The following ZNF354B variants were observed in gnomAD, a reference collection of about 807,000 sequenced individuals.
ZNF354B encodes the protein zinc finger protein 354B.
In ZNF354B, 10 loss-of-function variants were observed where a neutral mutation model predicts 12.9. The ratio of observed to expected loss-of-function variants is 0.77; its 90% confidence interval spans 0.48 to 1.31. ZNF354B has a LOEUF of 1.31. Ranked by LOEUF, ZNF354B falls within the 40% of genes most tolerant of loss-of-function variation. The pLI is 0.00. For synonymous variants in ZNF354B, 260 were observed against 243.7 expected (o/e 1.07, Z -0.62); for missense variants, 614 against 711.7 (o/e 0.86, Z 1.56).
At chr5:178,870,452 A>T (rs1306416177) in intron 4 of ZNF354B, among the ~76,000 whole-genome samples, 1 of 152,040 alleles carries the variant, frequency 6.6e-6, no homozygotes, top group Admixed American at 6.5e-5. Context: ...AATTTTTGGC[A>T]TTTTTTTAGT....
rs981523893 is a variant in ZNF354B, at chr5:178,882,771, A to G, written c.319A>G (p.Ile107Val). Residue 107 changes from isoleucine to valine, a missense_variant, in exon 5 of 5, where the codon ATA becomes GTA. Ile to Val is a conservative substitution (Grantham distance 29). Coordinates refer to ENST00000322434, the MANE Select transcript of ZNF354B (RefSeq NM_058230.3). ...AACTCAGGATTCATTTCAGGAGCAG[A>G]TAAGGAAAAGATTGAAAAGGGATGA... ...TQTQDSFQEQIRKRLKRDEPW... is the reference protein window; with the variant it reads ...TQTQDSFQEQVRKRLKRDEPW... The G allele has an allele frequency of 6.3e-7, 1 of 1,589,854 alleles. No individual in the cohort carries two copies. Among genetic ancestry groups the G allele is most frequent in the African/African-American group, 1.4e-5 (1 of 73,254 alleles).
intron 4 of ZNF354B, among the ~76,000 whole-genome samples, chr5:178,880,830 C>CTTTTTT (rs1370506200): frequency 8.8e-6 from 1 of 113,850 alleles, no homozygotes; most frequent in Non-Finnish European, 1.7e-5. Context: ...AACTCATGGT[C>CTTTTTT]ATTTTTTTTT....
intron 4 of ZNF354B, among the ~76,000 whole-genome samples, chr5:178,873,395 A>T (rs554398702): frequency 6.6e-6 from 1 of 152,202 alleles, no homozygotes; most frequent in Non-Finnish European, 1.5e-5. Context: ...ATTTTCTGCC[A>T]TGTTCTTCTA....
intron 1 of ZNF354B, 68 bp downstream of exon 1, chr5:178,860,195 G>A (rs1757323448): frequency 6.6e-6 from 1 of 152,230 alleles, no homozygotes; most frequent in South Asian, 2.1e-4. Context: ...GAGGCCGCGG[G>A]GCTCCGAGGG....
chr5:178,864,907 G>A (rs1258666041), intron 2 of ZNF354B, among the ~76,000 whole-genome samples: 1 of 151,484 alleles, frequency 6.6e-6, no homozygotes. Flanking sequence ...ACAGGTGTGA[G>A]CCACCACACC....
chr5:178,873,906 C>A (rs939619292), intron 4 of ZNF354B, among the ~76,000 whole-genome samples: 4 of 151,260 alleles, frequency 2.6e-5, no homozygotes, highest in Admixed American at 2.0e-4. Context: ...TTATTTTCTT[C>A]CATCAGTGTT....
intron 4 of ZNF354B, among the ~76,000 whole-genome samples, chr5:178,875,013 A>G (rs58941917): frequency 0.15 from 22,574 of 152,114 alleles, 2,053 homozygotes; most frequent in African/African-American, 0.25. Flanking sequence ...TTTTGGTGTT[A>G]AAGTTTGGGC....
intron 4 of ZNF354B, among the ~76,000 whole-genome samples, chr5:178,872,760 C>T (rs976055623): frequency 2.6e-5 from 4 of 152,078 alleles, no homozygotes; most frequent in Non-Finnish European, 5.9e-5. Context: ...AGTTCATGTG[C>T]TTATTTGCCA....
intron 3 of ZNF354B, 91 bp downstream of exon 3, chr5:178,866,461 A>C (rs910932186): frequency 1.2e-5 from 18 of 1,519,182 alleles, no homozygotes; most frequent in Non-Finnish European, 1.5e-5. Flanking sequence ...TCACTGAAAA[A>C]TTTGAGCTCA....
chr5:178,860,610 C>G (rs372738957), intron 1 of ZNF354B: 17,901 of 174,034 alleles, frequency 0.1, 954 homozygotes, highest in Non-Finnish European at 0.13. Flanking sequence ...CCGGGGCCGT[C>G]GTGGTGGGAG....
intron 3 of ZNF354B, among the ~76,000 whole-genome samples, chr5:178,866,630 G>C (rs1757462249): frequency 6.6e-6 from 1 of 152,060 alleles, no homozygotes. Context: ...CATAGTTCAG[G>C]CAGCATTTTC....
At chr5:178,868,896 C>T (rs1215386017) in intron 4 of ZNF354B, among the ~76,000 whole-genome samples, 3 of 150,498 alleles carry the variant, frequency 2.0e-5, no homozygotes, top group South Asian at 2.1e-4. Flanking sequence ...GGCGTGAACC[C>T]GGGAGGTGGA....
At chr5:178,863,297 T>G (rs1320559114) in intron 2 of ZNF354B, among the ~76,000 whole-genome samples, 4 of 152,228 alleles carry the variant, frequency 2.6e-5, no homozygotes, top group Admixed American at 2.0e-4. Flanking sequence ...TGTATATATA[T>G]GTGCATATGT....
At position 178,865,296 on chromosome 5, in the gene ZNF354B, T is replaced by C. The variant is rs547662084; in HGVS notation, c.34-948T>C. ...TTTTTTTTTCTTTTTTGAGATGGAG[T>C]CTCATTCTGTTTCCAGGCTGGAGTG... On this transcript the variant is annotated intron_variant, in intron 2 of 4. Coordinates refer to ENST00000322434, the MANE Select transcript of ZNF354B (RefSeq NM_058230.3). Among the ~76,000 whole-genome samples, 64 of 151,616 alleles carry C rather than the reference T, an allele frequency of 4.2e-4. No homozygotes were observed. In the East Asian group the frequency reaches 0.011, roughly 27 times the overall value.
rs760169460 is a variant in ZNF354B at position 178,883,676 on chromosome 5, G to A, written c.1224G>A (p.Lys408=). The change falls in exon 5 of 5, where the codon AAG becomes AAA. Residue 408 remains lysine (K), a synonymous_variant. Transcript: ENST00000322434. The stretch of plus-strand genomic sequence containing the variant: ...ATGAAAGAATTCACACCGGAGAAAA[G>A]CCCTATAGATGCAATGAATGTGGGA... ...IQHERIHTGE[K]PYRCNECGKG... The A allele has an allele frequency of 6.2e-7, 1 of 1,614,004 alleles. No homozygotes were observed. Among genetic ancestry groups the A allele is most frequent in the Non-Finnish European group, 8.5e-7 (1 of 1,179,964 alleles).
chr5:178,866,910 C>A, intron 3 of ZNF354B, 66 bp from the exon 4 acceptor site: 6 of 1,493,566 alleles, frequency 4.0e-6, no homozygotes, highest in Non-Finnish European at 5.6e-6. Flanking sequence ...CCCTAATAAT[C>A]AAGGGATACT....
Position 178,884,254 on chromosome 5 carries a change from T to C in ZNF354B, c.1802T>C (p.Ile601Thr). 6.2e-7 allele frequency: 1 copy of C among 1,605,518 alleles called. No individual in the cohort carries two copies. Among genetic ancestry groups the C allele is most frequent in the Non-Finnish European group, 8.5e-7 (1 of 1,175,844 alleles). Residue 601 changes from isoleucine (I) to threonine (T), a missense_variant, in exon 5 of 5, where the codon ATT becomes ACT. Physicochemically the swap from Ile to Thr is moderately conservative, Grantham distance 89 (BLOSUM62 -1). Transcript: ENST00000322434. Reference protein sequence around the residue: ...SSLTNHYKIHIEEDSLKADLH... With the variant: ...SSLTNHYKIHTEEDSLKADLH... ...CTTACTAATCATTATAAAATTCACA[T>C]TGAAGAGGACTCCTTAAAAGCCGAT...
At position 178,877,089 on chromosome 5, in the gene ZNF354B, AT is replaced by A. The variant is rs1316077683; in HGVS notation, c.257-5613del. 3.3e-5 allele frequency among the ~76,000 whole-genome samples: 5 copies of A among 151,534 alleles called. No individual in the cohort carries two copies. In the East Asian group the frequency reaches 9.7e-4, roughly 29 times the overall value. ...AAGTATAACCTGTAGGTCTTCTCAC[AT>A]TTTTTTCTGAGCCCACGTCTTTCCC... On this transcript the variant is annotated intron_variant, in intron 4 of 4. Coordinates refer to ENST00000322434, the MANE Select transcript of ZNF354B (RefSeq NM_058230.3).
intron 2 of ZNF354B, among the ~76,000 whole-genome samples, chr5:178,865,033 T>C (rs144842829): frequency 4.6e-4 from 70 of 152,332 alleles, no homozygotes; most frequent in African/African-American, 1.6e-3. Context: ...ATTTATACCA[T>C]CAGCTCTAAT....
Sources: gnomAD v4.1 joint callset for allele counts (sites outside exome capture counted in the v4.1 genomes callset) on GRCh38, gnomAD v4.1.1 for gene constraint, MANE v1.5 for transcripts, NCBI Gene and HGNC (gene_info 2026-07-23, HGNC 2026-07-21) for gene names.